Variants in AP5Z1 observed in about 807,000 individuals in gnomAD.
AP5Z1 encodes the protein AP-5 complex subunit zeta-1.
Under a neutral mutation model 83.0 loss-of-function variants are expected in AP5Z1, and 106 were observed. The ratio of observed to expected loss-of-function variants is 1.28; its 90% confidence interval spans 1.09 to 1.50. The LOEUF (loss-of-function observed/expected upper bound fraction) is 1.50, where lower values mean the gene tolerates loss of function less well. Ranked by LOEUF, AP5Z1 falls within the 40% of genes most tolerant of loss-of-function variation. The pLI is 0.00. For missense variants in AP5Z1, 1,565 were observed against 1,094.2 expected, an observed-to-expected ratio of 1.43 and a Z score of -6.07; for synonymous variants, 751 against 514.1, an observed-to-expected ratio of 1.46 and a Z score of -6.23.
intron 1 of AP5Z1, among the ~76,000 whole-genome samples, chr7:4,777,547 C>T (rs1781261093): frequency 6.6e-6 from 1 of 152,028 alleles, no homozygotes; most frequent in South Asian, 2.1e-4. Flanking sequence ...GCCACCACAC[C>T]CGGCTGATTT....
chr7:4,788,889 G>A lies in AP5Z1; in HGVS notation c.1645G>A (p.Val549Met), dbSNP rs536448969. ...GCAGCCCATGGCCGGCTGTGCCCGC[G>A]TGGCCCAGTGTGCCCAGGCCGTGCC... ...LLQPMAGCARVAQCAQAVPTL... is the reference protein window; with the variant it reads ...LLQPMAGCARMAQCAQAVPTL... The change falls in exon 13 of 17, where the codon GTG becomes ATG. Residue 549 changes from valine to methionine, a missense_variant. Coordinates refer to ENST00000649063, the MANE Select transcript of AP5Z1 (RefSeq NM_014855.3). 5.5e-5 allele frequency: 88 copies of A among 1,610,842 alleles called. No individual in the cohort carries two copies. The highest frequency in any genetic ancestry group is 3.3e-4 in the Middle Eastern group (2 of 6,044).
chr7:4,793,979 C>T lies in AP5Z1; in HGVS notation c.*2594C>T, dbSNP rs913131645. On this transcript the variant is annotated 3_prime_UTR_variant, in exon 17 of 17. Coordinates refer to ENST00000649063, the MANE Select transcript of AP5Z1 (RefSeq NM_014855.3). ...TGAGTCTGGTGGGGACTTGGAGAAC[C>T]TTTATGTCTAGCTAAGGGATTGTAA... The T allele has an allele frequency of 6.6e-6, 1 of 152,434 alleles. No individual in the cohort carries two copies. The highest frequency in any genetic ancestry group is 1.5e-5 in the Non-Finnish European group (1 of 68,224). The allele number at this position is 152,434 out of a possible 1,614,324, so 9.4% of individuals were successfully genotyped here.
rs939474123 is a variant in AP5Z1, at chr7:4,784,857, C to A, written c.791-51C>A. ...CTTCCAAGCAGGGCAGCAGGCATGT[C>A]CCAGCCCGGGAGCCACACGTCAGCC... On this transcript the variant is annotated intron_variant, in intron 6 of 16. Transcript: ENST00000649063. The A allele has an allele frequency of 5.7e-6, 9 of 1,577,372 alleles. No homozygotes were observed. The African/African-American group carries it at 6.7e-5, about 12-fold the overall frequency.
chr7:4,786,513 G>C, intron 10 of AP5Z1, 85 bp downstream of exon 10: 1 of 1,495,478 alleles, frequency 6.7e-7, no homozygotes, highest in Non-Finnish European at 9.2e-7. Flanking sequence ...GGTTCAGGGC[G>C]AGTCCTGGCT....
At chr7:4,779,435 A>T (rs929150933) in intron 1 of AP5Z1, among the ~76,000 whole-genome samples, 12 of 145,546 alleles carry the variant, frequency 8.2e-5, no homozygotes, top group Non-Finnish European at 1.6e-4. Flanking sequence ...ATCATATATA[A>T]CATATATAAC....
chr7:4,784,810 C>T (rs1173239720), intron 6 of AP5Z1, 98 bp from the exon 7 acceptor site: 29 of 1,443,828 alleles, frequency 2.0e-5, no homozygotes, highest in African/African-American at 1.1e-4. Flanking sequence ...GGAGGGGCTG[C>T]GGCCTGTGCT....
Position 4,787,750 on chromosome 7 carries a change from G to C in AP5Z1, c.1428G>C (p.Leu476Phe). 2 of 1,542,984 alleles carry C rather than the reference G, an allele frequency of 1.3e-6. No homozygotes were observed. The highest frequency in any genetic ancestry group is 1.4e-5 in the African/African-American group (1 of 73,252). Residue 476 changes from leucine to phenylalanine, a missense_variant, in exon 11 of 17, where the codon TTG (leucine) becomes TTC (phenylalanine). Transcript: ENST00000649063. ...ACGCGCTGCTGGACCTGCCCTGCTT[G>C]ACGGCGGTGCTGGACCTGCAGCTCA... ...MLHALLDLPC[L>F]TAVLDLQLRS...
At chr7:4,783,197 T>C in intron 3 of AP5Z1, 119 bp from the exon 4 acceptor site, 3 of 1,420,800 alleles carry the variant, frequency 2.1e-6, no homozygotes, top group South Asian at 1.5e-5. Flanking sequence ...CCCTGCCACC[T>C]GCTAGGCCGG....
rs1268031830 is a variant in AP5Z1 at position 4,781,462 on chromosome 7, C to G, written c.180-106C>G. On this transcript the variant is annotated intron_variant, in intron 2 of 16. Coordinates refer to ENST00000649063, the MANE Select transcript of AP5Z1 (RefSeq NM_014855.3). Reference sequence around the variant, plus strand: ...TGAAGGTCCATCCTCATGTAAAATGCTCTGTCCACTGGCCCAAGGGTGCCC... The same window carrying G: ...TGAAGGTCCATCCTCATGTAAAATGGTCTGTCCACTGGCCCAAGGGTGCCC... The G allele has an allele frequency of 5.2e-6, 8 of 1,531,600 alleles. 1 individual carries two copies. In the South Asian group the frequency reaches 7.1e-5, roughly 14 times the overall value. 94.9% of individuals were successfully genotyped at this position (1,531,600 alleles called of 1,614,324 possible).
chr7:4,780,900 T>C (rs1485441615), intron 1 of AP5Z1, among the ~76,000 whole-genome samples: 1 of 152,214 alleles, frequency 6.6e-6, no homozygotes, highest in African/African-American at 2.4e-5. Context: ...TTAGTCCTTC[T>C]GCCCTGGGAA....
At chr7:4,787,487 A>G (rs1781584547) in intron 10 of AP5Z1, 147 bp from the exon 11 acceptor site, 4 of 1,257,170 alleles carry the variant, frequency 3.2e-6, no homozygotes, top group Non-Finnish European at 2.1e-6. Flanking sequence ...CCCTGTCTCA[A>G]AAAAATAAAA....
chr7:4,778,389 C>T (rs758924439), intron 1 of AP5Z1, among the ~76,000 whole-genome samples: 5 of 152,018 alleles, frequency 3.3e-5, no homozygotes, highest in African/African-American at 4.8e-5. Flanking sequence ...AGGGGTGCCC[C>T]GCAAGGTCGG....
At position 4,788,917 on chromosome 7, in the gene AP5Z1, C is replaced by G. The variant is rs573471657; in HGVS notation, c.1673C>G (p.Thr558Arg). Residue 558 changes from threonine (T) to arginine (R), a missense_variant, in exon 13 of 17, where the codon ACG (threonine) becomes AGG (arginine). Physicochemically the swap from Thr to Arg is moderately conservative, Grantham distance 71. Transcript: ENST00000649063. Reference protein sequence around the residue: ...RVAQCAQAVPTLLQAFFSAVT... With the variant: ...RVAQCAQAVPRLLQAFFSAVT... ...GCCCAGTGTGCCCAGGCCGTGCCCA[C>G]GCTGCTGCAGGCATTCTTCTCAGCA... 4 of 1,611,282 alleles carry G rather than the reference C, an allele frequency of 2.5e-6. No individual in the cohort carries two copies. Among genetic ancestry groups the G allele is most frequent in the African/African-American group, 2.7e-5 (2 of 74,898 alleles).
intron 6 of AP5Z1, 89 bp from the exon 7 acceptor site, chr7:4,784,819 C>A: frequency 6.7e-7 from 1 of 1,486,212 alleles, no homozygotes; most frequent in Non-Finnish European, 9.0e-7. Flanking sequence ...GCGGCCTGTG[C>A]TCTCCTCCTG....
chr7:4,791,458 T>A lies in AP5Z1; in HGVS notation c.*73T>A, dbSNP rs546071452. On this transcript the variant is annotated 3_prime_UTR_variant, in exon 17 of 17. Coordinates refer to ENST00000649063, the MANE Select transcript of AP5Z1 (RefSeq NM_014855.3). ...CAGCTTGCTACTGAGGCCAGGCTGA[T>A]AGGAGCTCAGGAGGGCGCGGGAGTC... 16 of 1,505,786 alleles carry A rather than the reference T, an allele frequency of 1.1e-5. No homozygotes were observed. The highest frequency in any genetic ancestry group is 1.2e-5 in the Non-Finnish European group (13 of 1,121,874). 93.3% of individuals were successfully genotyped at this position (1,505,786 alleles called of 1,614,324 possible).
rs1562411286 is a variant in AP5Z1 at position 4,788,140 on chromosome 7, GTC to G, written c.1455-12_1455-11del. 6.6e-7 allele frequency: 1 copy of G among 1,514,424 alleles called. No homozygotes were observed. Among genetic ancestry groups the G allele is most frequent in the Admixed American group, 2.2e-5 (1 of 46,446 alleles). 93.8% of individuals were successfully genotyped at this position (1,514,424 alleles called of 1,614,324 possible). ...GCCGCATCCCAGCCTGGCCTTGGGC[GTC>G]TGTCCACGCAGGTCAGCACCGGCTG... On this transcript the variant is annotated splice_polypyrimidine_tract_variant and intron_variant, in intron 11 of 16. Coordinates refer to ENST00000649063, the MANE Select transcript of AP5Z1 (RefSeq NM_014855.3).
chr7:4,784,457 G>A, intron 6 of AP5Z1, 86 bp downstream of exon 6: 3 of 1,444,474 alleles, frequency 2.1e-6, no homozygotes, highest in Non-Finnish European at 2.8e-6. Flanking sequence ...GGCGGAGGTG[G>A]GGGGACTCGG....
Position 4,790,835 on chromosome 7 carries a change from C to G in AP5Z1, c.2101C>G (p.Leu701Val), listed in dbSNP as rs1387226576. The change falls in exon 16 of 17, where the codon CTG (leucine) becomes GTG (valine). Residue 701 changes from leucine to valine, a missense_variant. Leu to Val is a conservative substitution (Grantham distance 32). Transcript: ENST00000649063. The part of the protein sequence containing the change: ...PRCPPQVVTV[L>V]MTTLTKLASR... ...GTGTCCCCCCCAGGTGGTCACCGTG[C>G]TGATGACCACGCTGACGAAGCTGGC... 6 of 1,609,454 alleles carry G rather than the reference C, an allele frequency of 3.7e-6. No homozygotes were observed. Among genetic ancestry groups the G allele is most frequent in the Non-Finnish European group, 5.1e-6 (6 of 1,178,908 alleles).
chr7:4,791,056 C>T, intron 16 of AP5Z1, 59 bp from the exon 17 acceptor site: 1 of 1,503,276 alleles, frequency 6.7e-7, no homozygotes, highest in East Asian at 2.4e-5. Flanking sequence ...CCCCTCCACA[C>T]AGACCCCTGT....
Sources: allele counts gnomAD v4.1 joint callset (sites outside exome capture counted in the v4.1 genomes callset), GRCh38; gene constraint gnomAD v4.1.1; transcripts MANE v1.5; gene names NCBI Gene and HGNC (gene_info 2026-07-23, HGNC 2026-07-21).